Variants in SPMAP2L observed in about 807,000 individuals in gnomAD.
SPMAP2L encodes the protein sperm microtubule associated protein 2 like.
the SPMAP2L span, among the ~76,000 whole-genome samples, chr4:56,543,681 T>C: frequency 6.6e-6 from 1 of 151,878 alleles, no homozygotes; most frequent in Admixed American, 6.6e-5. Flanking sequence ...CAGAGTGAGA[T>C]TCTGTCTCAA....
chr4:56,530,729 G>C, the SPMAP2L span: 1 of 1,535,344 alleles, frequency 6.5e-7, no homozygotes, highest in Non-Finnish European at 8.7e-7. Context: ...GTGACCGATG[G>C]GCAGGTCTCA....
At chr4:56,533,676 G>C in the SPMAP2L span, among the ~76,000 whole-genome samples, 1 of 151,948 alleles carries the variant, frequency 6.6e-6, no homozygotes, top group South Asian at 2.1e-4. Flanking sequence ...GACCGGATGC[G>C]GTGCCTCAAA....
At chr4:56,597,812 TGA>T in the SPMAP2L span, among the ~76,000 whole-genome samples, 8 of 152,278 alleles carry the variant, frequency 5.3e-5, no homozygotes, top group African/African-American at 1.9e-4. Flanking sequence ...TCAAGACTAC[TGA>T]GAGTGGTGTT....
the SPMAP2L span, among the ~76,000 whole-genome samples, chr4:56,533,391 A>G: frequency 6.6e-6 from 1 of 151,906 alleles, no homozygotes; most frequent in Non-Finnish European, 1.5e-5. Context: ...TTCTTCACTG[A>G]GAATAGAAGA....
the SPMAP2L span, among the ~76,000 whole-genome samples, chr4:56,543,949 AGTGTGT>A: frequency 2.6e-5 from 3 of 115,802 alleles, no homozygotes; most frequent in Non-Finnish European, 3.6e-5. Context: ...AGAGAGAGAG[AGTGTGT>A]GTGTGTGTGT....
chr4:56,531,600 A>G, the SPMAP2L span, among the ~76,000 whole-genome samples: 1 of 152,112 alleles, frequency 6.6e-6, no homozygotes, highest in Admixed American at 6.5e-5. Context: ...AAGGGAGGAT[A>G]TTTTCGTCAG....
At chr4:56,558,639 T>G in the SPMAP2L span, among the ~76,000 whole-genome samples, 1 of 152,118 alleles carries the variant, frequency 6.6e-6, no homozygotes, top group Non-Finnish European at 1.5e-5. Context: ...TATACACACA[T>G]TACCTCAGCT....
chr4:56,587,857 T>C, the SPMAP2L span, among the ~76,000 whole-genome samples: 2 of 152,368 alleles, frequency 1.3e-5, no homozygotes, highest in South Asian at 2.1e-4. Flanking sequence ...CTGGATCAAA[T>C]GGTAGTTCTA....
the SPMAP2L span, among the ~76,000 whole-genome samples, chr4:56,562,182 C>A: frequency 1.8e-4 from 28 of 151,998 alleles, no homozygotes; most frequent in Non-Finnish European, 3.8e-4. Context: ...AACCAAGAAG[C>A]CTTTGGAGTG....
At chr4:56,539,577 A>G in the SPMAP2L span, among the ~76,000 whole-genome samples, 1 of 152,040 alleles carries the variant, frequency 6.6e-6, no homozygotes, top group African/African-American at 2.4e-5. Context: ...CTGCACCACC[A>G]CACCCAGCTA....
the SPMAP2L span, chr4:56,559,397 T>A: frequency 1.3e-6 from 2 of 1,504,090 alleles, no homozygotes; most frequent in Non-Finnish European, 1.8e-6. Flanking sequence ...AACAGAAAAC[T>A]GTTTTGGGGA....
the SPMAP2L span, among the ~76,000 whole-genome samples, chr4:56,567,442 GTTTTTTTTT>G: frequency 6.3e-4 from 41 of 65,580 alleles, no homozygotes; most frequent in Non-Finnish European, 8.1e-4. Flanking sequence ...AATTTTGGTG[GTTTTTTTTT>G]TTTTTTTTTT....
the SPMAP2L span, among the ~76,000 whole-genome samples, chr4:56,573,485 A>G: frequency 2.0e-5 from 3 of 151,472 alleles, no homozygotes; most frequent in Non-Finnish European, 4.4e-5. Context: ...CCTCGGCTCT[A>G]TTCTCCAAGC....
the SPMAP2L span, among the ~76,000 whole-genome samples, chr4:56,611,892 A>G: frequency 2.0e-5 from 3 of 152,114 alleles, no homozygotes; most frequent in African/African-American, 7.2e-5. Context: ...GCCTCCAATC[A>G]GAGCATATCC....
At chr4:56,534,733 C>G in the SPMAP2L span, among the ~76,000 whole-genome samples, 250 of 152,232 alleles carry the variant, frequency 1.6e-3, no homozygotes, top group Non-Finnish European at 3.0e-3. Context: ...TCGAGACCAG[C>G]CTCGCCAACA....
At chr4:56,550,257 G>A in the SPMAP2L span, among the ~76,000 whole-genome samples, 1 of 151,958 alleles carries the variant, frequency 6.6e-6, no homozygotes, top group Non-Finnish European at 1.5e-5. Flanking sequence ...TGAAGTGCTG[G>A]CATTATAGGT....
At chr4:56,562,696 T>A in the SPMAP2L span, among the ~76,000 whole-genome samples, 1 of 152,032 alleles carries the variant, frequency 6.6e-6, no homozygotes, top group Non-Finnish European at 1.5e-5. Flanking sequence ...CTTAATTCTG[T>A]ACTGTATAAT....
At chr4:56,534,678 G>A in the SPMAP2L span, among the ~76,000 whole-genome samples, 1 of 152,192 alleles carries the variant, frequency 6.6e-6, no homozygotes, top group South Asian at 2.1e-4. Flanking sequence ...TGTAATCCCA[G>A]CACTTTGGGA....
chr4:56,607,797 G>A, the SPMAP2L span, among the ~76,000 whole-genome samples: 1 of 151,964 alleles, frequency 6.6e-6, no homozygotes, highest in Admixed American at 6.6e-5. Flanking sequence ...AGACCAGCCT[G>A]GGCAACATAG....
Sources: gnomAD v4.1 joint callset for allele counts (sites outside exome capture counted in the v4.1 genomes callset) on GRCh38, gnomAD v4.1.1 for gene constraint, MANE v1.5 for transcripts, NCBI Gene and HGNC (gene_info 2026-07-23, HGNC 2026-07-21) for gene names.